PARP3: variants seen among roughly 807,000 people sequenced by gnomAD.
PARP3 encodes the protein protein mono-ADP-ribosyltransferase PARP3.
A neutral mutation model predicts 58.2 loss-of-function variants in PARP3; 46 were observed. That is an observed-to-expected ratio of 0.79 (90% CI 0.62 to 1.01). The LOEUF is 1.01. Ranked by LOEUF, PARP3 falls within the 50% of genes least tolerant of loss-of-function variation. The probability of loss-of-function intolerance (pLI) is 0.00; values close to 1 mark genes in which losing one functional copy is unlikely to be tolerated. For synonymous variants in PARP3, 252 were observed against 266.4 expected, an observed-to-expected ratio of 0.95 and a Z score of 0.53; for missense variants, 663 against 683.9, an observed-to-expected ratio of 0.97 and a Z score of 0.34.
At chr3:51,944,000 C>A in intron 2 of PARP3, 89 bp from the exon 3 acceptor site, 1 of 1,313,782 alleles carries the variant, frequency 7.6e-7, no homozygotes. Flanking sequence ...TGCCGTCAGA[C>A]TCCTGTCCCC....
At chr3:51,942,973 G>A in intron 1 of PARP3, 1 of 1,407,010 alleles carries the variant, frequency 7.1e-7, no homozygotes, top group Admixed American at 3.1e-5. Context: ...TGAACTAGCT[G>A]ACACAGGGGG....
rs752348794 is a variant in PARP3 at position 51,944,793 on chromosome 3, G to A, written c.517G>A (p.Val173Met). The A allele has an allele frequency of 3.1e-6, 5 of 1,611,964 alleles. No homozygotes were observed. Among genetic ancestry groups the A allele is most frequent in the Middle Eastern group, 3.4e-4 (2 of 5,958 alleles). ...CTATCTTCAGGTGGACAGAGGCCCA[G>A]TGAGGACTGTGACTAAGCGGGTGCA... ...EAVVKVDRGP[V>M]RTVTKRVQPC... is the part of the protein sequence containing the mutation. Residue 173 changes from valine to methionine, a missense_variant, in exon 5 of 11, where the codon GTG (valine) becomes ATG (methionine). By Grantham distance (21) the Val-to-Met change is conservative. This residue lies in a region of PARP3 where 567 missense variants were observed against 553.6 expected (regional missense o/e 1.02). Transcript: ENST00000398755. This position sits in a 1 kb window ranked among gnomAD's most constrained non-coding sequence, Gnocchi z 4.2.
rs1230746280 is a variant in PARP3 at position 51,943,280 on chromosome 3, GT to G, written c.-2-73del. On this transcript the variant is annotated intron_variant, in intron 1 of 10. Coordinates refer to ENST00000398755, the MANE Select transcript of PARP3 (RefSeq NM_001003931.4). The stretch of plus-strand genomic sequence containing the variant: ...GGTGCTGTGCTGGCCCAGGGCAGGG[GT>G]GGGGACTGAGAGTGGGTCGTTGGGG... The G allele has an allele frequency of 3.8e-5, 53 of 1,405,014 alleles. No homozygotes were observed. The East Asian group carries it at 1.3e-3, about 34-fold the overall frequency. The allele number at this position is 1,405,014 out of a possible 1,614,324, so 87.0% of individuals were successfully genotyped here. A position where few individuals can be genotyped will look rare whatever the true frequency, so the allele number is the denominator to read the frequency against.
Position 51,945,517 on chromosome 3 carries a change from C to T in PARP3, c.884C>T (p.Ala295Val). The change falls in exon 7 of 11, where the codon GCC becomes GTC. Residue 295 changes from alanine to valine, a missense_variant. Ala to Val is a moderately conservative substitution (Grantham distance 64). Transcript: ENST00000398755. ...MLLVLADIELAQALQAVSEQE... is the reference protein window; with the variant it reads ...MLLVLADIELVQALQAVSEQE... ...TAGGTGCTGGCGGACATCGAGCTGGCCCAGGCCCTGCAGGCAGTCTCTGAG... is the reference window on the plus strand; with the variant it reads ...TAGGTGCTGGCGGACATCGAGCTGGTCCAGGCCCTGCAGGCAGTCTCTGAG... The T allele has an allele frequency of 6.2e-7, 1 of 1,613,660 alleles. No homozygotes were observed. Among genetic ancestry groups the T allele is most frequent in the Non-Finnish European group, 8.5e-7 (1 of 1,179,876 alleles).
In PARP3 at chr3:51,944,089, G is replaced by A; in HGVS notation, c.184G>A (p.Val62Met). The A allele has an allele frequency of 6.2e-7, 1 of 1,613,424 alleles. No individual in the cohort carries two copies. Among genetic ancestry groups the A allele is most frequent in the Non-Finnish European group, 8.5e-7 (1 of 1,179,790 alleles). Residue 62 changes from valine to methionine, a missense_variant and splice_region_variant, in exon 3 of 11, where the codon GTG (valine) becomes ATG (methionine). Coordinates refer to ENST00000398755, the MANE Select transcript of PARP3 (RefSeq NM_001003931.4). This position sits in a 1 kb window ranked among gnomAD's most constrained non-coding sequence, Gnocchi z 4.2. The part of the protein sequence containing the change: ...CPLSSNPGTQ[V>M]YEDYNCTLNQ... ...GCCCCCCACCTCCCCTCTGGCCCAG[G>A]TGTATGAGGACTACAACTGCACCCT...
At chr3:51,947,643 G>C in intron 9 of PARP3, 97 bp from the exon 10 acceptor site, 1 of 1,359,604 alleles carries the variant, frequency 7.4e-7, no homozygotes, top group Non-Finnish European at 1.0e-6. Flanking sequence ...TGCTGGAGCA[G>C]CAAAGCCAGA....
Position 51,946,128 on chromosome 3 carries a change from G to A in PARP3, c.1099-38G>A. 1 of 1,553,226 alleles carries A rather than the reference G, an allele frequency of 6.4e-7. No individual in the cohort carries two copies. Among genetic ancestry groups the A allele is most frequent in the Non-Finnish European group, 8.8e-7 (1 of 1,140,982 alleles). On this transcript the variant is annotated intron_variant, in intron 8 of 10. Coordinates refer to ENST00000398755, the MANE Select transcript of PARP3 (RefSeq NM_001003931.4). The surrounding 1 kb of genome is among the most constrained non-coding windows in gnomAD (Gnocchi z 4.6). ...CAGGGCAAGGCGACTGAGTGCTCGG[G>A]TGGCATCACTCCCATTTCTCACTTC...
intron 1 of PARP3, 114 bp from the exon 2 acceptor site, chr3:51,943,240 G>A (rs972014831): frequency 3.5e-5 from 41 of 1,175,036 alleles, no homozygotes; most frequent in African/African-American, 1.7e-4. Context: ...GGGCCAACCC[G>A]GGGTGGGGCA....
chr3:51,943,522 G>T lies in PARP3; in HGVS notation c.167G>T (p.Ser56Ile). The T allele has an allele frequency of 6.2e-7, 1 of 1,609,764 alleles. No homozygotes were observed. Among genetic ancestry groups the T allele is most frequent in the Non-Finnish European group, 8.5e-7 (1 of 1,178,532 alleles). Reference protein sequence around the residue: ...IRVDPTCPLSSNPGTQVYEDY... With the variant: ...IRVDPTCPLSINPGTQVYEDY... ...GTGGATCCAACATGTCCACTCAGCA[G>T]CAACCCCGGGACCCAGGTGAGCTGC... Residue 56 changes from serine to isoleucine, a missense_variant, in exon 2 of 11, where the codon AGC becomes ATC. Transcript: ENST00000398755.
At position 51,943,370 on chromosome 3, in the gene PARP3, G is replaced by T; in HGVS notation, c.15G>T (p.Pro5=). MAPK[P]KPWVQTEGPE... ...CCAGGACAGCCATGGCTCCAAAGCC[G>T]AAGCCCTGGGTACAGACTGAGGGCC... The change falls in exon 2 of 11, where the codon CCG becomes CCT. Residue 5 remains proline, a synonymous_variant. Coordinates refer to ENST00000398755, the MANE Select transcript of PARP3 (RefSeq NM_001003931.4). 1 of 1,587,088 alleles carries T rather than the reference G, an allele frequency of 6.3e-7. No individual in the cohort carries two copies. The highest frequency in any genetic ancestry group is 8.6e-7 in the Non-Finnish European group (1 of 1,167,888).
Position 51,946,890 on chromosome 3 carries a change from G to A in PARP3, c.1276+547G>A, listed in dbSNP as rs911554849. 1.3e-5 allele frequency among the ~76,000 whole-genome samples: 2 copies of A among 152,244 alleles called. No individual in the cohort carries two copies. Among genetic ancestry groups the A allele is most frequent in the South Asian group, 4.1e-4 (2 of 4,836 alleles). On this transcript the variant is annotated intron_variant, in intron 9 of 10. Transcript: ENST00000398755. The surrounding 1 kb of genome is among the most constrained non-coding windows in gnomAD (Gnocchi z 4.6). ...CAGAGCAATGCCTAGCCGGGGGCAG[G>A]GTGGGCTAGGGGCCCAGAACGATCG...
chr3:51,945,302 G>T (rs1577658727), intron 6 of PARP3, 78 bp downstream of exon 6: 3 of 1,466,062 alleles, frequency 2.0e-6, no homozygotes, highest in Non-Finnish European at 1.9e-6. Context: ...AGGGCAGGTG[G>T]CCAAGAAGGC....
At position 51,947,766 on chromosome 3, in the gene PARP3, C is replaced by G. The variant is rs374483120; in HGVS notation, c.1303C>G (p.His435Asp). ...TATTGGCATGAAGTGTGGGGCCCAC[C>G]ATGTCGGCTACATGTTCCTGGGTGA... is the stretch of plus-strand genomic sequence containing the variant. ...YVIGMKCGAH[H>D]VGYMFLGEVA... The change falls in exon 10 of 11, where the codon CAT becomes GAT. Residue 435 changes from histidine (H) to aspartate (D), a missense_variant. This residue lies in a region of PARP3 where 8 missense variants were observed against 21.3 expected (regional missense o/e 0.38). Transcript: ENST00000398755. 227 of 1,614,048 alleles carry G rather than the reference C, an allele frequency of 1.4e-4. No individual in the cohort carries two copies. The highest frequency in any genetic ancestry group is 1.9e-4 in the Non-Finnish European group (222 of 1,180,018).
chr3:51,944,901 A>G lies in PARP3; in HGVS notation c.625A>G (p.Met209Val), dbSNP rs751324062. The G allele has an allele frequency of 2.5e-6, 4 of 1,613,394 alleles. No individual in the cohort carries two copies. Among genetic ancestry groups the G allele is most frequent in the East Asian group, 2.2e-5 (1 of 44,888 alleles). Residue 209 changes from methionine (M) to valine (V), a missense_variant, in exon 5 of 11, where the codon ATG (methionine) becomes GTG (valine). Met to Val is a conservative substitution (Grantham distance 21). Around this residue, in one of 3 missense-constraint regions of PARP3, gnomAD observed 567 missense variants for 553.6 expected, o/e 1.02. Coordinates refer to ENST00000398755, the MANE Select transcript of PARP3 (RefSeq NM_001003931.4). The surrounding 1 kb of genome is among the most constrained non-coding windows in gnomAD (Gnocchi z 4.2). ...KEMFKNTMAL[M>V]DLDVKKMPLG... ...GATGTTCAAGAACACCATGGCCCTC[A>G]TGGACCTGGGTGAGGGGTGAGAGGC... is the stretch of plus-strand genomic sequence containing the variant.
chr3:51,945,798 G>C (rs1699663091), intron 7 of PARP3, 55 bp from the exon 8 acceptor site: 2 of 1,551,678 alleles, frequency 1.3e-6, no homozygotes, highest in Non-Finnish European at 1.8e-6. Context: ...AAGAAAAATG[G>C]GGGATTAGCT....
Position 51,948,485 on chromosome 3 carries a change from C to T in PARP3, c.*5C>T. 2 of 1,613,490 alleles carry T rather than the reference C, an allele frequency of 1.2e-6. No homozygotes were observed. The highest frequency in any genetic ancestry group is 1.7e-6 in the Non-Finnish European group (2 of 1,179,580). The stretch of plus-strand genomic sequence containing the variant: ...CTGCTGGAGGTCCACCTCTGAGTGC[C>T]CGCCCTGTCCCCCGGGGTCCTGCAA... On this transcript the variant is annotated 3_prime_UTR_variant, in exon 11 of 11. Coordinates refer to ENST00000398755, the MANE Select transcript of PARP3 (RefSeq NM_001003931.4).
At chr3:51,943,218 G>A in intron 1 of PARP3, 136 bp from the exon 2 acceptor site, 3 of 985,218 alleles carry the variant, frequency 3.0e-6, no homozygotes, top group Non-Finnish European at 4.4e-6. Flanking sequence ...GATGCAGTGG[G>A]AGGCCACCGA....
At chr3:51,943,268 C>T in intron 1 of PARP3, 86 bp from the exon 2 acceptor site, 1 of 1,347,880 alleles carries the variant, frequency 7.4e-7, no homozygotes, top group Admixed American at 2.8e-5. Flanking sequence ...GCTGTGCTGG[C>T]CCAGGGCAGG....
At chr3:51,943,585 C>T in intron 2 of PARP3, 47 bp downstream of exon 2, 1 of 1,534,448 alleles carries the variant, frequency 6.5e-7, no homozygotes, top group Non-Finnish European at 8.9e-7. Flanking sequence ...CACTGATAAG[C>T]ACAAACACAC....
Sources: allele counts gnomAD v4.1 joint callset (sites outside exome capture counted in the v4.1 genomes callset), GRCh38; gene constraint gnomAD v4.1.1; regional missense constraint gnomAD v4.1.1; non-coding constraint Gnocchi (gnomAD v3.1); transcripts MANE v1.5; gene names NCBI Gene and HGNC (gene_info 2026-07-23, HGNC 2026-07-21).